Variants in PAK2 observed in about 807,000 individuals in gnomAD.
The protein encoded by PAK2 is p21 (RAC1) activated kinase 2, also known as serine/threonine-protein kinase PAK 2.
In PAK2, 21 loss-of-function variants were observed where a neutral mutation model predicts 65.9. The observed-to-expected ratio is 0.32, with a 90% CI of 0.23 to 0.46. The LOEUF is 0.46. Among genes scored for constraint, PAK2 ranks in the 20% least tolerant of loss-of-function variants. The pLI is 1.00. For synonymous variants in PAK2, 204 were observed against 219.7 expected (o/e 0.93, Z 0.63); for missense variants, 324 against 642.6 (o/e 0.50, Z 5.36).
chr3:196,783,685 T>A (rs1218502135), intron 2 of PAK2, among the ~76,000 whole-genome samples: 4 of 152,118 alleles, frequency 2.6e-5, no homozygotes, highest in African/African-American at 4.8e-5. Context: ...CCCCATCTGC[T>A]ATACCCCATC....
intron 13 of PAK2, among the ~76,000 whole-genome samples, chr3:196,823,857 GGCATAACT>G (rs1421655047): frequency 2.0e-5 from 3 of 151,656 alleles, no homozygotes; most frequent in African/African-American, 7.3e-5. Context: ...CAGGCATATG[GGCATAACT>G]GCTAATGCAC....
chr3:196,813,455 C>T (rs1246668438), intron 10 of PAK2, among the ~76,000 whole-genome samples: 1 of 136,458 alleles, frequency 7.3e-6, no homozygotes, highest in African/African-American at 2.8e-5. Flanking sequence ...GAGACTCCAT[C>T]TCAAAAAAAA....
chr3:196,817,831 C>G (rs186177487), intron 11 of PAK2, among the ~76,000 whole-genome samples: 1 of 152,062 alleles, frequency 6.6e-6, no homozygotes, highest in Non-Finnish European at 1.5e-5. Flanking sequence ...AGCGGATCTA[C>G]TGACTTTTTA....
At chr3:196,759,498 GTTTTTTTTTTTTTTTTTTTT>G (rs71301221) in intron 1 of PAK2, among the ~76,000 whole-genome samples, 24 of 108,158 alleles carry the variant, frequency 2.2e-4, no homozygotes, top group Middle Eastern at 6.7e-3. Context: ...GGTTTTTTTT[GTTTTTTTTTTTTTTTTTTTT>G]TTTTTTTTTT....
Position 196,814,490 on chromosome 3 carries a change from C to A in PAK2, c.975C>A (p.Tyr325Ter). 6.5e-7 allele frequency: 1 copy of A among 1,533,438 alleles called. No homozygotes were observed. Among genetic ancestry groups the A allele is most frequent in the Non-Finnish European group, 9.0e-7 (1 of 1,113,600 alleles). The allele number at this position is 1,533,438 out of a possible 1,614,324, so 95.0% of individuals were successfully genotyped here. A position where few individuals can be genotyped will look rare whatever the true frequency, so the allele number is the denominator to read the frequency against. ...ATGAATTGTTTGTGGTCATGGAATA[C>A]CTTGCTGGGGGGTCACTCACTGATG... ...VGDELFVVME[Y>*]LAGGSLTDVV... Residue 325 changes from tyrosine to a stop codon, truncating the protein, a stop_gained, in exon 11 of 15, where the codon TAC becomes TAA. Transcript: ENST00000327134. LOFTEE classifies it high-confidence loss of function.
chr3:196,762,902 G>C (rs988810803), intron 1 of PAK2, among the ~76,000 whole-genome samples: 3 of 152,146 alleles, frequency 2.0e-5, no homozygotes, highest in African/African-American at 7.2e-5. Flanking sequence ...GTCCAATCAG[G>C]AGAGAGAAGC....
At chr3:196,759,506 T>TG (rs368450602) in intron 1 of PAK2, among the ~76,000 whole-genome samples, 10 of 26,092 alleles carry the variant, frequency 3.8e-4, no homozygotes, top group African/African-American at 8.2e-4. Context: ...TTGTTTTTTT[T>TG]TTTTTTTTTT....
Position 196,756,114 on chromosome 3 carries a change from G to A in PAK2, c.-22+15957G>A, listed in dbSNP as rs919458146. ...ACTTGTTGTCTCCCTGTTCCCTACC[G>A]TCAGGCAGTTTTGAAGCATTTTCTG... On this transcript the variant is annotated intron_variant, in intron 1 of 14. Transcript: ENST00000327134. 3.4e-4 allele frequency among the ~76,000 whole-genome samples: 51 copies of A among 152,172 alleles called. 1 individual carries two copies. Among genetic ancestry groups the A allele is most frequent in the African/African-American group, 1.2e-3 (51 of 41,510 alleles).
chr3:196,785,788 C>T (rs1208899952), intron 2 of PAK2, among the ~76,000 whole-genome samples: 8 of 152,118 alleles, frequency 5.3e-5, no homozygotes, highest in Admixed American at 1.3e-4. Flanking sequence ...TCGCGTCCTA[C>T]GTGGATGACA....
rs745731033 is a variant in PAK2 at position 196,812,834 on chromosome 3, C to A, written c.918C>A (p.Ile306=). Residue 306 remains isoleucine (I), a synonymous_variant, in exon 10 of 15, where the codon ATC becomes ATA. Transcript: ENST00000327134. ...LVMKELKNPN[I]VNFLDSYLVG... ...TGAAAGAATTGAAAAATCCCAACAT[C>A]GTTAACTTTTTGGACAGGTAAGTAT... The A allele has an allele frequency of 6.7e-7, 1 of 1,490,842 alleles. No homozygotes were observed. 92.4% of individuals were successfully genotyped at this position (1,490,842 alleles called of 1,614,324 possible).
chr3:196,761,582 C>T (rs1205924085), intron 1 of PAK2, among the ~76,000 whole-genome samples: 2 of 124,600 alleles, frequency 1.6e-5, no homozygotes, highest in Non-Finnish European at 3.4e-5. Flanking sequence ...GGCAACCATC[C>T]GATTTCTCAA....
chr3:196,789,040 C>T (rs1247900510), intron 2 of PAK2, among the ~76,000 whole-genome samples: 1 of 152,110 alleles, frequency 6.6e-6, no homozygotes, highest in Non-Finnish European at 1.5e-5. Flanking sequence ...AAGACCTGGC[C>T]ATCTCTCTGT....
chr3:196,824,231 G>A (rs762732005), intron 13 of PAK2, among the ~76,000 whole-genome samples: 1 of 152,166 alleles, frequency 6.6e-6, no homozygotes, highest in Admixed American at 6.5e-5. Flanking sequence ...GTGGATCTTG[G>A]TGATTACATA....
chr3:196,776,616 G>T (rs575365005), intron 1 of PAK2, among the ~76,000 whole-genome samples: 25 of 152,294 alleles, frequency 1.6e-4, no homozygotes, highest in African/African-American at 6.0e-4. Flanking sequence ...TTACTCTGAT[G>T]ACATAGATGG....
At chr3:196,764,841 C>CTTTTTTTTTT (rs57199433) in intron 1 of PAK2, among the ~76,000 whole-genome samples, 1 of 107,640 alleles carries the variant, frequency 9.3e-6, no homozygotes. Context: ...TCTTTTCTTT[C>CTTTTTTTTTT]TTTTTTTTTT....
intron 1 of PAK2, among the ~76,000 whole-genome samples, chr3:196,778,283 C>A (rs1044969286): frequency 4.2e-4 from 64 of 152,146 alleles, no homozygotes; most frequent in African/African-American, 1.5e-3. Context: ...TTTTGTGTAT[C>A]CGTTCATCAG....
At chr3:196,827,582 A>G (rs62410765) in intron 14 of PAK2, 50,775 of 218,032 alleles carry the variant, frequency 0.23, 7,794 homozygotes, top group African/African-American at 0.42. Flanking sequence ...GAAGGGGAAC[A>G]TCACACACCG....
At chr3:196,804,433 A>T (rs1015503995) in intron 4 of PAK2, among the ~76,000 whole-genome samples, 1 of 151,838 alleles carries the variant, frequency 6.6e-6, no homozygotes, top group Non-Finnish European at 1.5e-5. Flanking sequence ...GTACACATAC[A>T]TACATATATG....
In PAK2 at chr3:196,808,557, C is replaced by CAAAAAAAA. The variant is rs1208200034; in HGVS notation, c.709+654_709+661dup. On this transcript the variant is annotated intron_variant, in intron 7 of 14. Coordinates refer to ENST00000327134, the MANE Select transcript of PAK2 (RefSeq NM_002577.4). ...GCCTGGCAACAGTGAGACTCCATCT[C>CAAAAAAAA]AAAAAAAAAAAAAAAAAAGCGAACC... Among the ~76,000 whole-genome samples, 127 of 56,518 alleles carry CAAAAAAAA rather than the reference C, an allele frequency of 2.2e-3. 7 individuals are homozygous for CAAAAAAAA. The highest frequency in any genetic ancestry group is 0.014 in the Middle Eastern group (1 of 70). 37.1% of individuals were successfully genotyped at this position (56,518 alleles called of 152,430 possible). A position where few individuals can be genotyped will look rare whatever the true frequency, so the allele number is the denominator to read the frequency against.
Sources: gnomAD v4.1 joint callset for allele counts (sites outside exome capture counted in the v4.1 genomes callset) on GRCh38, gnomAD v4.1.1 for gene constraint, MANE v1.5 for transcripts, NCBI Gene and HGNC (gene_info 2026-07-23, HGNC 2026-07-21) for gene names.